Variants in XKR9 observed in about 807,000 individuals in gnomAD.
XKR9 encodes the protein XK related 9, also known as XK-related protein 9.
In XKR9, 32 loss-of-function variants were observed where a neutral mutation model predicts 32.0. That is an observed-to-expected ratio of 1.00 (90% confidence interval 0.76 to 1.34). The LOEUF is 1.34. Ranked by LOEUF, XKR9 falls within the 40% of genes most tolerant of loss-of-function variation. XKR9 has a pLI of 0.00. For missense variants in XKR9, 546 were observed against 429.7 expected, an observed-to-expected ratio of 1.27 and a Z score of -2.39; for synonymous variants, 168 against 143.4, an observed-to-expected ratio of 1.17 and a Z score of -1.22.
In XKR9 at chr8:70,690,676, G is replaced by A. The variant is rs1403341682; in HGVS notation, c.272+9346G>A. Among the ~76,000 whole-genome samples the A allele has an allele frequency of 6.6e-5, 10 of 151,982 alleles. No individual in the cohort carries two copies. The South Asian group carries it at 1.5e-3, about 22-fold the overall frequency. The stretch of plus-strand genomic sequence containing the variant: ...CTCCCACTTGTAAATGAGAACATGC[G>A]GTATTTGGTTTTCTATTCCTACGTT... On this transcript the variant is annotated intron_variant, in intron 3 of 4. Transcript: ENST00000408926.
the XKR9 span, among the ~76,000 whole-genome samples, chr8:70,992,643 A>G: frequency 6.6e-6 from 1 of 152,240 alleles, no homozygotes; most frequent in African/African-American, 2.4e-5. Context: ...GAAGGAGACT[A>G]GAAGACAGGA....
intron 1 of XKR9, chr8:70,670,729 C>A (rs886868824): frequency 6.6e-6 from 1 of 152,148 alleles, no homozygotes; most frequent in African/African-American, 2.4e-5. Context: ...TTCAAAAAAT[C>A]ATCGCTGAAA....
the XKR9 span, among the ~76,000 whole-genome samples, chr8:70,972,393 A>G: frequency 6.6e-6 from 1 of 152,206 alleles, no homozygotes; most frequent in South Asian, 2.1e-4. Flanking sequence ...CTAGGCATAC[A>G]ATTATATAAT....
the XKR9 span, among the ~76,000 whole-genome samples, chr8:70,872,669 T>C: frequency 2.0e-5 from 3 of 151,090 alleles, no homozygotes; most frequent in African/African-American, 7.3e-5. Flanking sequence ...AGCTGGTGGC[T>C]TTTTTTTTCA....
the XKR9 span, among the ~76,000 whole-genome samples, chr8:70,894,429 G>C: frequency 1.3e-5 from 2 of 152,110 alleles, no homozygotes; most frequent in Non-Finnish European, 2.9e-5. Context: ...GTAGGGTGAG[G>C]TGTCTCAACC....
chr8:70,877,070 G>A, the XKR9 span, among the ~76,000 whole-genome samples: 5 of 152,050 alleles, frequency 3.3e-5, no homozygotes, highest in Non-Finnish European at 7.4e-5. Context: ...TGCATGGCTG[G>A]GGAGGCCTCA....
At chr8:71,057,797 G>C in the XKR9 span, among the ~76,000 whole-genome samples, 1 of 118,878 alleles carries the variant, frequency 8.4e-6, no homozygotes. Flanking sequence ...ATATAATTTA[G>C]ATTCCCACAT....
the XKR9 span, among the ~76,000 whole-genome samples, chr8:70,924,481 T>G: frequency 6.6e-6 from 1 of 152,180 alleles, no homozygotes; most frequent in East Asian, 1.9e-4. Flanking sequence ...ATCCTCTAAC[T>G]CTTAACCTAT....
the XKR9 span, among the ~76,000 whole-genome samples, chr8:71,043,726 C>T: frequency 1.3e-5 from 2 of 152,102 alleles, no homozygotes; most frequent in African/African-American, 4.8e-5. Flanking sequence ...ATTGTATAAA[C>T]TGTTTTCATA....
At chr8:70,719,467 G>T (rs191587932) in intron 4 of XKR9, among the ~76,000 whole-genome samples, 3 of 152,090 alleles carry the variant, frequency 2.0e-5, no homozygotes, top group Admixed American at 2.0e-4. Context: ...AATCCATCTT[G>T]AGTTAATTTT....
the XKR9 span, among the ~76,000 whole-genome samples, chr8:70,927,511 T>A: frequency 2.0e-5 from 3 of 152,124 alleles, no homozygotes; most frequent in African/African-American, 7.2e-5. Flanking sequence ...GCAGATTCCG[T>A]GTCTGGGAAG....
chr8:70,753,302 C>G (rs1250710535), intron 2 of XKR9, among the ~76,000 whole-genome samples: 1 of 151,620 alleles, frequency 6.6e-6, no homozygotes, highest in Non-Finnish European at 1.5e-5. Context: ...GAGTCCAGGA[C>G]CAGATGGATT....
intron 3 of XKR9, among the ~76,000 whole-genome samples, chr8:70,705,100 G>A (rs1430321088): frequency 6.6e-6 from 1 of 152,046 alleles, no homozygotes; most frequent in Admixed American, 6.6e-5. Flanking sequence ...ATTTACAATG[G>A]GAATACTTTA....
chr8:70,795,222 C>T (rs190494923), downstream of XKR9, among the ~76,000 whole-genome samples: 116 of 152,212 alleles, frequency 7.6e-4, no homozygotes, highest in Non-Finnish European at 1.2e-3. Flanking sequence ...TAAGTGAGAA[C>T]ATACGATATT....
the XKR9 span, among the ~76,000 whole-genome samples, chr8:70,831,814 C>T: frequency 6.6e-5 from 10 of 152,138 alleles, no homozygotes; most frequent in African/African-American, 2.4e-4. Flanking sequence ...CTCAGGTTAT[C>T]TAACTTACTC....
the XKR9 span, among the ~76,000 whole-genome samples, chr8:70,979,908 T>C: frequency 1.1e-4 from 17 of 152,316 alleles, no homozygotes; most frequent in Middle Eastern, 0.01. Context: ...GCTATGGTGG[T>C]CTCCACCCAG....
At chr8:71,054,908 G>T in the XKR9 span, among the ~76,000 whole-genome samples, 11 of 152,080 alleles carry the variant, frequency 7.2e-5, no homozygotes, top group African/African-American at 2.4e-4. Flanking sequence ...TCCAGCTGGG[G>T]ATGTTTCTCA....
At chr8:70,700,011 C>T (rs189767721) in intron 3 of XKR9, among the ~76,000 whole-genome samples, 6 of 152,190 alleles carry the variant, frequency 3.9e-5, no homozygotes, top group African/African-American at 1.2e-4. Context: ...ACGTAGTTCT[C>T]GAGCCTTGGC....
intron 2 of XKR9, among the ~76,000 whole-genome samples, chr8:70,770,688 C>A (rs892357567): frequency 2.6e-5 from 4 of 152,232 alleles, no homozygotes; most frequent in African/African-American, 9.6e-5. Flanking sequence ...CCAGCCTGAC[C>A]TTCCCAGTGG....
Sources: gnomAD v4.1 joint callset for allele counts (sites outside exome capture counted in the v4.1 genomes callset) on GRCh38, gnomAD v4.1.1 for gene constraint, MANE v1.5 for transcripts, NCBI Gene and HGNC (gene_info 2026-07-23, HGNC 2026-07-21) for gene names.